The following BBS9 variants were observed in gnomAD, a reference collection of about 807,000 sequenced individuals.
The protein encoded by BBS9 is Bardet-Biedl syndrome 9, also known as protein PTHB1.
BBS9 carries 89 observed loss-of-function variants against 117.7 expected under a neutral mutation model. The observed-to-expected ratio is 0.76, with a 90% CI of 0.64 to 0.90. The LOEUF is 0.90. Among genes scored for constraint, BBS9 ranks in the 40% least tolerant of loss-of-function variants. BBS9 has a pLI of 0.00. For missense variants in BBS9, 982 were observed against 1,042.2 expected (o/e 0.94, Z 0.80); for synonymous variants, 379 against 370.9 (o/e 1.02, Z -0.25).
chr7:33,191,589 G>C lies in BBS9; in HGVS notation c.442+13998G>C, dbSNP rs76582693. Among the ~76,000 whole-genome samples, 2,752 of 152,284 alleles carry C rather than the reference G, an allele frequency of 0.018. 216 individuals carry two copies. The East Asian group carries it at 0.27, about 15-fold the overall frequency. On this transcript the variant is annotated intron_variant, in intron 5 of 22. Coordinates refer to ENST00000242067, the MANE Select transcript of BBS9 (RefSeq NM_198428.3). Reference sequence around the variant, plus strand: ...GTGTGTATATGAATTGGAGAAGGCAGGGCCTAAGCAGTTAAAGGATATGCT... The same window carrying C: ...GTGTGTATATGAATTGGAGAAGGCACGGCCTAAGCAGTTAAAGGATATGCT...
chr7:33,551,343 G>A (rs1854384070), intron 21 of BBS9, among the ~76,000 whole-genome samples: 1 of 152,154 alleles, frequency 6.6e-6, no homozygotes, highest in African/African-American at 2.4e-5. Context: ...GCAGTAAACG[G>A]AGCACCTAAT....
chr7:33,529,258 G>T (rs1490274679), intron 20 of BBS9, among the ~76,000 whole-genome samples: 1 of 152,190 alleles, frequency 6.6e-6, no homozygotes, highest in African/African-American at 2.4e-5. Context: ...CATGTTGGGG[G>T]ATGCATACAG....
rs1851004009 is a variant in BBS9, at chr7:33,534,105, A to G, written c.2450A>G (p.Asp817Gly). 3.7e-6 allele frequency: 6 copies of G among 1,614,206 alleles called. No homozygotes were observed. Among genetic ancestry groups the G allele is most frequent in the Non-Finnish European group, 4.2e-6 (5 of 1,180,034 alleles). Residue 817 changes from aspartate to glycine, a missense_variant, in exon 21 of 23, where the codon GAT (aspartate) becomes GGT (glycine). Transcript: ENST00000242067. ...QLKKHITLLC[D>G]RLSKGGRLCL... ...AAGAAACATATCACCTTGCTCTGCG[A>G]TAGATTATCCAAAGGTGGCCGTCTC...
intron 19 of BBS9, among the ~76,000 whole-genome samples, chr7:33,478,538 A>C (rs1304481533): frequency 3.3e-5 from 5 of 152,172 alleles, no homozygotes; most frequent in Non-Finnish European, 7.3e-5. Context: ...TAGGCATTTC[A>C]AATATTCATC....
intron 21 of BBS9, among the ~76,000 whole-genome samples, chr7:33,626,843 A>T (rs1865659823): frequency 6.6e-6 from 1 of 152,238 alleles, no homozygotes. Flanking sequence ...GCATGAGCAA[A>T]GAGATGTCCT....
intron 9 of BBS9, among the ~76,000 whole-genome samples, chr7:33,305,611 G>A (rs1807733089): frequency 6.6e-6 from 1 of 152,000 alleles, no homozygotes; most frequent in African/African-American, 2.4e-5. Context: ...TTTAGGTTTT[G>A]GATTTCCTCA....
intron 1 of BBS9, among the ~76,000 whole-genome samples, chr7:33,131,844 T>C (rs539647241): frequency 6.6e-6 from 1 of 151,752 alleles, no homozygotes; most frequent in Admixed American, 6.6e-5. Flanking sequence ...ATTCAGAAGG[T>C]CAGCAAAAAA....
chr7:33,468,681 C>T (rs986902918), intron 19 of BBS9, among the ~76,000 whole-genome samples: 6 of 152,156 alleles, frequency 3.9e-5, no homozygotes, highest in African/African-American at 1.4e-4. Context: ...GCTTTCCAGC[C>T]TCTGATAACC....
intron 9 of BBS9, among the ~76,000 whole-genome samples, chr7:33,296,043 A>G (rs1416745781): frequency 1.3e-5 from 2 of 152,152 alleles, no homozygotes; most frequent in Non-Finnish European, 2.9e-5. Flanking sequence ...TAATCACAGA[A>G]TTAAACAACC....
intron 19 of BBS9, among the ~76,000 whole-genome samples, chr7:33,405,645 G>T (rs945621506): frequency 6.6e-6 from 1 of 152,160 alleles, no homozygotes; most frequent in Non-Finnish European, 1.5e-5. Context: ...GGTGTTTGTA[G>T]TATTCTCTGA....
intron 19 of BBS9, among the ~76,000 whole-genome samples, chr7:33,428,356 T>C (rs1443895196): frequency 1.3e-5 from 2 of 152,186 alleles, no homozygotes; most frequent in Non-Finnish European, 2.9e-5. Flanking sequence ...CTTTTAAAAG[T>C]ATTTTATTGC....
chr7:33,170,462 A>G (rs1282387112), intron 4 of BBS9, among the ~76,000 whole-genome samples: 1 of 145,798 alleles, frequency 6.9e-6, no homozygotes, highest in Non-Finnish European at 1.5e-5. Context: ...TCAAAATAAT[A>G]AGAGCTATCT....
At chr7:33,342,397 T>A (rs2128640523) in intron 11 of BBS9, among the ~76,000 whole-genome samples, 1 of 152,250 alleles carries the variant, frequency 6.6e-6, no homozygotes, top group East Asian at 1.9e-4. Flanking sequence ...TGACTTTTTT[T>A]TCCTTTGGGC....
chr7:33,540,474 T>C lies in BBS9; in HGVS notation c.2521+6298T>C, dbSNP rs1852112123. On this transcript the variant is annotated intron_variant, in intron 21 of 22. Coordinates refer to ENST00000242067, the MANE Select transcript of BBS9 (RefSeq NM_198428.3). ...GAATATAAACCAAGGTGTGTATTAA[T>C]GATAACTATCCCTGCGTGTTAGAAT... Among the ~76,000 whole-genome samples, 3 of 152,340 alleles carry C rather than the reference T, an allele frequency of 2.0e-5. No homozygotes were observed. In the South Asian group the frequency reaches 6.2e-4, roughly 32 times the overall value.
rs377626008 is a variant in BBS9, at chr7:33,152,837, A to T, written c.249A>T (p.Val83=). 2.0e-5 allele frequency: 33 copies of T among 1,613,940 alleles called. No homozygotes were observed. Among genetic ancestry groups the T allele is most frequent in the Non-Finnish European group, 2.7e-5 (32 of 1,179,974 alleles). ...GAGATCCAGTACTTCAAGTGGAAGTAGGAAAGTTTGTTTCGTAAGTAAGCC... is the reference window on the plus strand; with the variant it reads ...GAGATCCAGTACTTCAAGTGGAAGTTGGAAAGTTTGTTTCGTAAGTAAGCC... The part of the protein sequence containing the change: ...DLRDPVLQVE[V]GKFVSGTEML... The change falls in exon 3 of 23, where the codon GTA becomes GTT. Residue 83 remains valine (V), a synonymous_variant. Transcript: ENST00000242067.
chr7:33,231,050 G>A (rs1266759976), intron 5 of BBS9, among the ~76,000 whole-genome samples: 2 of 152,172 alleles, frequency 1.3e-5, no homozygotes, highest in East Asian at 3.9e-4. Context: ...CAGAGTACAA[G>A]TGTTCCCTTT....
chr7:33,621,559 G>C (rs1865407093), intron 21 of BBS9, among the ~76,000 whole-genome samples: 1 of 152,104 alleles, frequency 6.6e-6, no homozygotes, highest in Non-Finnish European at 1.5e-5. Flanking sequence ...TGGAGTAAAA[G>C]GAACCCTTGC....
intron 9 of BBS9, among the ~76,000 whole-genome samples, chr7:33,327,292 G>A (rs1047738909): frequency 2.0e-5 from 3 of 152,146 alleles, no homozygotes; most frequent in Admixed American, 6.5e-5. Context: ...AGGAGCCACC[G>A]GAGGATTATA....
At chr7:33,305,334 A>G (rs1432608548) in intron 9 of BBS9, among the ~76,000 whole-genome samples, 1 of 152,046 alleles carries the variant, frequency 6.6e-6, no homozygotes, top group Admixed American at 6.5e-5. Flanking sequence ...ATTTGTGTCA[A>G]TATTCATCAG....
Sources: allele counts gnomAD v4.1 joint callset (sites outside exome capture counted in the v4.1 genomes callset), GRCh38; gene constraint gnomAD v4.1.1; transcripts MANE v1.5; gene names NCBI Gene and HGNC (gene_info 2026-07-23, HGNC 2026-07-21).